The following ZNF257 variants were observed in gnomAD, a reference collection of about 807,000 sequenced individuals.
The protein encoded by ZNF257 is zinc finger protein 257.
ZNF257 carries 12 observed loss-of-function variants against 11.9 expected under a neutral mutation model. The observed-to-expected ratio is 1.01, with a 90% CI of 0.65 to 1.63. The LOEUF (loss-of-function observed/expected upper bound fraction) is 1.63, where lower values mean the gene tolerates loss of function less well. Among genes scored for constraint, ZNF257 ranks in the 40% most tolerant of loss-of-function variants. ZNF257 has a pLI of 0.00. For synonymous variants in ZNF257, 183 were observed against 222.7 expected (o/e 0.82, Z 1.59); for missense variants, 580 against 665.5 (o/e 0.87, Z 1.41).
At chr19:22,073,661 T>A in intron 3 of ZNF257, 97 bp downstream of exon 3, 1 of 1,440,184 alleles carries the variant, frequency 6.9e-7, no homozygotes, top group Non-Finnish European at 9.3e-7. Flanking sequence ...TCGGAAGCTG[T>A]ATTCCAAGGG....
At chr19:22,086,849 T>C (rs2022487947) in intron 3 of ZNF257, among the ~76,000 whole-genome samples, 1 of 152,028 alleles carries the variant, frequency 6.6e-6, no homozygotes, top group Admixed American at 6.5e-5. Flanking sequence ...TTCTTGAGAT[T>C]GTCTCGTCTG....
chr19:22,054,616 A>T (rs966200653), intron 1 of ZNF257, among the ~76,000 whole-genome samples: 1 of 152,230 alleles, frequency 6.6e-6, no homozygotes, highest in African/African-American at 2.4e-5. Context: ...ATGGCACTTT[A>T]AAAAGATTTG....
At chr19:22,055,536 A>T (rs924190463) in intron 1 of ZNF257, among the ~76,000 whole-genome samples, 1 of 152,100 alleles carries the variant, frequency 6.6e-6, no homozygotes, top group Non-Finnish European at 1.5e-5. Context: ...ACAAAAATTT[A>T]AAAAAAGAAA....
intron 3 of ZNF257, among the ~76,000 whole-genome samples, chr19:22,077,691 C>T (rs2022258843): frequency 1.3e-5 from 2 of 152,024 alleles, no homozygotes; most frequent in South Asian, 2.1e-4. Flanking sequence ...GTTGCTTCAG[C>T]CTTTTGACTT....
chr19:22,052,512 C>T lies in ZNF257; in HGVS notation c.-121C>T, dbSNP rs1971727375. 2 of 1,193,656 alleles carry T rather than the reference C, an allele frequency of 1.7e-6. No individual in the cohort carries two copies. Among genetic ancestry groups the T allele is most frequent in the South Asian group, 1.2e-5 (1 of 82,252 alleles). The allele number at this position is 1,193,656 out of a possible 1,614,324, so 73.9% of individuals were successfully genotyped here. A position where few individuals can be genotyped will look rare whatever the true frequency, so the allele number is the denominator to read the frequency against. ...TTGTCTCTCGCTCTAGCCCGAGCTGCAGGTCTCGTCTTCCCTGGTCTGTGT... is the reference window on the plus strand; with the variant it reads ...TTGTCTCTCGCTCTAGCCCGAGCTGTAGGTCTCGTCTTCCCTGGTCTGTGT... On this transcript the variant is annotated 5_prime_UTR_variant, in exon 1 of 4. Transcript: ENST00000594947.
chr19:22,086,941 T>C (rs1442676949), intron 3 of ZNF257, among the ~76,000 whole-genome samples: 4 of 151,884 alleles, frequency 2.6e-5, no homozygotes, highest in Non-Finnish European at 5.9e-5. Flanking sequence ...AACTTCTTTA[T>C]TTTTATATCA....
intron 1 of ZNF257, 81 bp from the exon 2 acceptor site, chr19:22,072,728 A>G: frequency 6.6e-7 from 1 of 1,517,384 alleles, no homozygotes. Flanking sequence ...CTGCTCTTTA[A>G]TTACACCTTG....
Position 22,073,543 on chromosome 19 carries a change from G to A in ZNF257, c.205G>A (p.Glu69Lys), listed in dbSNP as rs2022156126. Residue 69 changes from glutamate (E) to lysine (K), a missense_variant, in exon 3 of 4, where the codon GAG becomes AAG. By Grantham distance (56) the Glu-to-Lys change is moderately conservative. Coordinates refer to ENST00000594947, the MANE Select transcript of ZNF257 (RefSeq NM_033468.4). ...GKEPCNMKRHEMVAKPPVMCS... is the reference protein window; with the variant it reads ...GKEPCNMKRHKMVAKPPVMCS... ...AGAGCCCTGTAATATGAAGAGACAT[G>A]AGATGGTAGCCAAACCCCCAGGTAG... is the stretch of plus-strand genomic sequence containing the variant. The A allele has an allele frequency of 1.2e-6, 2 of 1,612,054 alleles. No individual in the cohort carries two copies. The highest frequency in any genetic ancestry group is 1.3e-5 in the African/African-American group (1 of 74,760).
chr19:22,069,345 T>G (rs935533813), intron 1 of ZNF257, among the ~76,000 whole-genome samples: 1 of 152,176 alleles, frequency 6.6e-6, no homozygotes, highest in Non-Finnish European at 1.5e-5. Flanking sequence ...CCGGGCGTGG[T>G]GGCTTACGCC....
intron 3 of ZNF257, among the ~76,000 whole-genome samples, chr19:22,080,187 C>T (rs2022327266): frequency 6.6e-6 from 1 of 151,886 alleles, no homozygotes; most frequent in Non-Finnish European, 1.5e-5. Flanking sequence ...ACTATGTTGC[C>T]CAGCCTGGTC....
At chr19:22,056,138 G>A (rs2021632538) in intron 1 of ZNF257, among the ~76,000 whole-genome samples, 1 of 152,006 alleles carries the variant, frequency 6.6e-6, no homozygotes, top group Non-Finnish European at 1.5e-5. Flanking sequence ...TTATTAGTAG[G>A]GCTTTAAAGG....
chr19:22,081,823 A>C (rs970189101), intron 3 of ZNF257, among the ~76,000 whole-genome samples: 5 of 152,116 alleles, frequency 3.3e-5, no homozygotes, highest in Non-Finnish European at 5.9e-5. Flanking sequence ...AAAATTAAAT[A>C]GTTTAATTAA....
At chr19:22,056,117 T>G (rs1236066662) in intron 1 of ZNF257, among the ~76,000 whole-genome samples, 1 of 151,604 alleles carries the variant, frequency 6.6e-6, no homozygotes, top group East Asian at 1.9e-4. Context: ...TTTTTAAGTA[T>G]AAGTTGCATT....
intron 3 of ZNF257, among the ~76,000 whole-genome samples, chr19:22,078,780 T>TTTTC (rs1295168739): frequency 6.7e-6 from 1 of 150,010 alleles, no homozygotes; most frequent in South Asian, 2.1e-4. Flanking sequence ...TGACACCCAG[T>TTTTC]TTTCTTTCTT....
At chr19:22,057,009 A>G (rs2021660549) in intron 1 of ZNF257, among the ~76,000 whole-genome samples, 1 of 152,166 alleles carries the variant, frequency 6.6e-6, no homozygotes, top group African/African-American at 2.4e-5. Flanking sequence ...GTGATAGTGA[A>G]TATCTCTGTT....
In ZNF257 at chr19:22,089,001, C is replaced by G. The variant is rs763172303; in HGVS notation, c.1251C>G (p.Thr417=). The G allele has an allele frequency of 2.5e-6, 4 of 1,612,418 alleles. No homozygotes were observed. Among genetic ancestry groups the G allele is most frequent in the South Asian group, 1.1e-5 (1 of 91,002 alleles). Residue 417 remains threonine, a synonymous_variant, in exon 4 of 4, where the codon ACC becomes ACG. Coordinates refer to ENST00000594947, the MANE Select transcript of ZNF257 (RefSeq NM_033468.4). ...KAFNWSSALT[T]LTQHKIIHTG... ...TTAACTGGTCCTCAGCTCTTACTACCCTTACTCAGCATAAGATAATTCATA... is the reference window on the plus strand; with the variant it reads ...TTAACTGGTCCTCAGCTCTTACTACGCTTACTCAGCATAAGATAATTCATA...
At position 22,088,243 on chromosome 19, in the gene ZNF257, A is replaced by G. The variant is rs939020045; in HGVS notation, c.493A>G (p.Ile165Val). The G allele has an allele frequency of 6.2e-7, 1 of 1,612,846 alleles. No individual in the cohort carries two copies. Among genetic ancestry groups the G allele is most frequent in the Non-Finnish European group, 8.5e-7 (1 of 1,179,460 alleles). Residue 165 changes from isoleucine (I) to valine (V), a missense_variant, in exon 4 of 4, where the codon ATA becomes GTA. Physicochemically the swap from Ile to Val is conservative, Grantham distance 29. Transcript: ENST00000594947. Reference sequence around the variant, plus strand: ...GTTTTCAAATTCAGATAGACATAAGATAAGACATACTGAAAAGAAAACTTG... The same window carrying G: ...GTTTTCAAATTCAGATAGACATAAGGTAAGACATACTGAAAAGAAAACTTG... The part of the protein sequence containing the change: ...YKFSNSDRHK[I>V]RHTEKKTCKC...
chr19:22,058,505 C>T (rs2021703901), intron 1 of ZNF257, among the ~76,000 whole-genome samples: 2 of 151,988 alleles, frequency 1.3e-5, no homozygotes, highest in South Asian at 4.2e-4. Flanking sequence ...GGTACTGAGC[C>T]CTGAATCAGG....
intron 3 of ZNF257, among the ~76,000 whole-genome samples, chr19:22,080,883 G>T (rs1237871056): frequency 1.7e-4 from 24 of 143,212 alleles, no homozygotes; most frequent in South Asian, 2.2e-4. Context: ...TATATAGTTG[G>T]TTTTTTTTTT....
Sources: allele counts gnomAD v4.1 joint callset (sites outside exome capture counted in the v4.1 genomes callset), GRCh38; gene constraint gnomAD v4.1.1; transcripts MANE v1.5; gene names NCBI Gene and HGNC (gene_info 2026-07-23, HGNC 2026-07-21).